The following CCDC171 variants were observed in gnomAD, a reference collection of about 807,000 sequenced individuals.
The protein encoded by CCDC171 is coiled-coil domain containing 171.
CCDC171 carries 177 observed loss-of-function variants against 168.2 expected under a neutral mutation model. The observed-to-expected ratio is 1.05, with a 90% confidence interval of 0.93 to 1.19. The LOEUF is 1.19. Among genes scored for constraint, CCDC171 ranks in the 50% most tolerant of loss-of-function variants. The pLI is 0.00. For synonymous variants in CCDC171, 687 were observed against 540.8 expected (o/e 1.27, Z -3.75); for missense variants, 1,991 against 1,539.0 (o/e 1.29, Z -4.91).
chr9:15,742,556 G>A (rs766794732), intron 16 of CCDC171, among the ~76,000 whole-genome samples: 15 of 152,188 alleles, frequency 9.9e-5, no homozygotes, highest in Admixed American at 1.3e-4. Flanking sequence ...AGCAGTCTGC[G>A]TAGCTACTGC....
Position 15,905,554 on chromosome 9 carries a change from C to G in CCDC171, c.3601-14716C>G, listed in dbSNP as rs1403607327. On this transcript the variant is annotated intron_variant, in intron 24 of 25. Coordinates refer to ENST00000380701, the MANE Select transcript of CCDC171 (RefSeq NM_173550.4). ...AGAGGGAAGTTTATAGCATTAAATG[C>G]CCACAAGAGAAAGCAGGAAAGATCT... Among the ~76,000 whole-genome samples the G allele has an allele frequency of 3.3e-5, 5 of 152,042 alleles. No individual in the cohort carries two copies. In the Middle Eastern group the frequency reaches 0.01, roughly 312 times the overall value.
chr9:15,992,945 G>A (rs1428087316), intron 3 of CCDC171, among the ~76,000 whole-genome samples: 3 of 152,000 alleles, frequency 2.0e-5, no homozygotes, highest in African/African-American at 7.3e-5. Context: ...AAATAAAAGA[G>A]GACACAAACA....
chr9:15,808,505 G>C (rs74711656), intron 21 of CCDC171, among the ~76,000 whole-genome samples: 2,288 of 152,242 alleles, frequency 0.015, 69 homozygotes, highest in African/African-American at 0.052. Context: ...AAGTGAAGAA[G>C]GGAGAGTGCT....
At chr9:15,599,404 A>G (rs915339640) in intron 6 of CCDC171, among the ~76,000 whole-genome samples, 1 of 152,042 alleles carries the variant, frequency 6.6e-6, no homozygotes, top group Non-Finnish European at 1.5e-5. Flanking sequence ...TCCTTCACTT[A>G]TGAAGCTTAG....
chr9:15,996,748 G>T (rs1347748078), intron 3 of CCDC171, among the ~76,000 whole-genome samples: 2 of 152,060 alleles, frequency 1.3e-5, no homozygotes, highest in African/African-American at 4.8e-5. Context: ...TAGTACTGAA[G>T]TATAAAAGGA....
intron 9 of CCDC171, among the ~76,000 whole-genome samples, chr9:15,672,564 G>A (rs202079710): frequency 1.3e-5 from 2 of 152,056 alleles, no homozygotes; most frequent in East Asian, 1.9e-4. Context: ...TCAGCTTTCT[G>A]CATATGGCTA....
chr9:15,824,222 T>G (rs186128713), intron 21 of CCDC171, among the ~76,000 whole-genome samples: 3 of 152,200 alleles, frequency 2.0e-5, no homozygotes, highest in Admixed American at 6.5e-5. Context: ...TGTATATACA[T>G]ACACTCTACA....
At chr9:16,028,661 G>A (rs772937336) in intron 6 of CCDC171, among the ~76,000 whole-genome samples, 27 of 152,282 alleles carry the variant, frequency 1.8e-4, no homozygotes, top group Non-Finnish European at 2.9e-4. Context: ...GCAGCTCTGA[G>A]AATGCACCTC....
intron 6 of CCDC171, chr9:16,035,395 T>G (rs2133047130): frequency 6.6e-6 from 1 of 152,332 alleles, no homozygotes; most frequent in South Asian, 2.1e-4. Context: ...TGTCTTCTTT[T>G]TTTGTGGGGT....
At chr9:15,865,450 C>A (rs530681687) in intron 23 of CCDC171, among the ~76,000 whole-genome samples, 24 of 150,556 alleles carry the variant, frequency 1.6e-4, no homozygotes, top group African/African-American at 5.6e-4. Context: ...TTGTGTGGGT[C>A]CACTTATACG....
the CCDC171 span, among the ~76,000 whole-genome samples, chr9:16,077,467 G>A: frequency 8.1e-4 from 123 of 152,236 alleles, no homozygotes; most frequent in African/African-American, 2.9e-3. Context: ...TTGGCCAAGC[G>A]AATCACTTCG....
chr9:15,812,369 T>G (rs2059393497), intron 21 of CCDC171, among the ~76,000 whole-genome samples: 1 of 151,814 alleles, frequency 6.6e-6, no homozygotes, highest in African/African-American at 2.4e-5. Flanking sequence ...CTTCAAGGAG[T>G]CTAGGTATAT....
At chr9:15,590,836 C>CT (rs1554693267) in intron 4 of CCDC171, among the ~76,000 whole-genome samples, 6 of 32,618 alleles carry the variant, frequency 1.8e-4, no homozygotes, top group Admixed American at 7.1e-4. Context: ...TTTCTTTCTT[C>CT]TTCTTTCTTT....
At chr9:15,584,971 A>G (rs770889091) in intron 4 of CCDC171, among the ~76,000 whole-genome samples, 3 of 152,204 alleles carry the variant, frequency 2.0e-5, no homozygotes, top group Non-Finnish European at 4.4e-5. Context: ...AGATAGAGAG[A>G]TGACTATTAA....
intron 3 of CCDC171, among the ~76,000 whole-genome samples, chr9:15,573,137 G>C (rs1396018853): frequency 6.6e-6 from 1 of 152,114 alleles, no homozygotes; most frequent in African/African-American, 2.4e-5. Flanking sequence ...TCCAGCCTGG[G>C]CAACAGAGGA....
intron 8 of CCDC171, among the ~76,000 whole-genome samples, chr9:15,663,828 G>A (rs992442228): frequency 4.6e-5 from 7 of 151,936 alleles, no homozygotes; most frequent in Admixed American, 3.9e-4. Context: ...GGATGGTCTC[G>A]ATCTCCTAAC....
At chr9:15,658,892 T>A (rs545953972) in intron 8 of CCDC171, among the ~76,000 whole-genome samples, 15 of 152,252 alleles carry the variant, frequency 9.9e-5, no homozygotes, top group African/African-American at 3.6e-4. Context: ...TTGTGGTAAT[T>A]GGTAATAGCA....
At chr9:15,712,549 A>G (rs897057142) in intron 11 of CCDC171, among the ~76,000 whole-genome samples, 1 of 152,216 alleles carries the variant, frequency 6.6e-6, no homozygotes, top group African/African-American at 2.4e-5. Flanking sequence ...GGTGAATTAA[A>G]GTATTTTGTG....
chr9:16,064,066 C>T (rs571635369), downstream of CCDC171, among the ~76,000 whole-genome samples: 9 of 152,142 alleles, frequency 5.9e-5, no homozygotes, highest in East Asian at 3.9e-4. Flanking sequence ...GTTTCCCAGC[C>T]GCCTCATGAC....
Sources: gnomAD v4.1 joint callset for allele counts (sites outside exome capture counted in the v4.1 genomes callset) on GRCh38, gnomAD v4.1.1 for gene constraint, MANE v1.5 for transcripts, NCBI Gene and HGNC (gene_info 2026-07-23, HGNC 2026-07-21) for gene names.